ALG12: variants seen among roughly 807,000 people sequenced by gnomAD.
ALG12 encodes the protein dol-P-Man:Man(7)GlcNAc(2)-PP-Dol alpha-1,6-mannosyltransferase.
In ALG12, 36 loss-of-function variants were observed where a neutral mutation model predicts 46.0. That is an observed-to-expected ratio of 0.78 (90% CI 0.60 to 1.03). The LOEUF (loss-of-function observed/expected upper bound fraction) is 1.03, where lower values mean the gene tolerates loss of function less well. Ranked by LOEUF, ALG12 falls within the 50% of genes least tolerant of loss-of-function variation. The pLI, the probability that ALG12 is intolerant of heterozygous loss-of-function variation, is 0.00. For synonymous variants in ALG12, 326 were observed against 291.6 expected, an observed-to-expected ratio of 1.12 and a Z score of -1.20; for missense variants, 599 against 633.5, an observed-to-expected ratio of 0.95 and a Z score of 0.58.
chr22:49,912,072 C>G (rs1282569717), intron 3 of ALG12, among the ~76,000 whole-genome samples: 1 of 135,454 alleles, frequency 7.4e-6, no homozygotes, highest in African/African-American at 3.1e-5. Flanking sequence ...ATCAGCCTGG[C>G]CCCGGGATCA....
the ALG12 span, among the ~76,000 whole-genome samples, chr22:49,864,686 T>G: frequency 5.3e-5 from 8 of 151,990 alleles, no homozygotes; most frequent in African/African-American, 1.9e-4. Flanking sequence ...CCAGGTGTGG[T>G]GACACTCAGG....
In ALG12 at chr22:49,906,588, C is replaced by T. The variant is rs989710310; in HGVS notation, c.992+1133G>A. On this transcript the variant is annotated intron_variant, in intron 7 of 9. Coordinates refer to ENST00000330817, the MANE Select transcript of ALG12 (RefSeq NM_024105.4). The surrounding 1 kb of genome is among the most constrained non-coding windows in gnomAD (Gnocchi z 4.4). ...CCCTGTAACAAGTGGCACCGGAAAG[C>T]ACCTGACCGCTGCCTGAGATCAGGG... Among the ~76,000 whole-genome samples, 1 of 152,188 alleles carries T rather than the reference C, an allele frequency of 6.6e-6. No homozygotes were observed. The highest frequency in any genetic ancestry group is 2.1e-4 in the South Asian group (1 of 4,832).
At chr22:49,874,422 ATCTCC>A in the ALG12 span, among the ~76,000 whole-genome samples, 1 of 146,892 alleles carries the variant, frequency 6.8e-6, no homozygotes, top group Non-Finnish European at 1.5e-5. Flanking sequence ...GTCTTGCTCT[ATCTCC>A]CAGGCTGGAG....
At chr22:49,859,787 AG>A in the ALG12 span, among the ~76,000 whole-genome samples, 1 of 152,220 alleles carries the variant, frequency 6.6e-6, no homozygotes. Context: ...GCACTTTGGG[AG>A]GCTGAGGTGG....
At position 49,912,221 on chromosome 22, in the gene ALG12, G is replaced by GGC. The variant is rs2060582685; in HGVS notation, c.295+1163_295+1164insGC. ...GATTTTGGCCTGTGGCAGGGGCTGG[G>GGC]GGGGGCACTAGCAATTCCAGGTCAC... is the stretch of plus-strand genomic sequence containing the variant. On this transcript the variant is annotated intron_variant, in intron 3 of 9. Transcript: ENST00000330817. Among the ~76,000 whole-genome samples, 4 of 152,316 alleles carry GGC rather than the reference G, an allele frequency of 2.6e-5. No individual in the cohort carries two copies. In the South Asian group the frequency reaches 8.3e-4, roughly 32 times the overall value.
chr22:49,867,518 G>A, the ALG12 span, among the ~76,000 whole-genome samples: 1 of 152,194 alleles, frequency 6.6e-6, no homozygotes, highest in Non-Finnish European at 1.5e-5. Flanking sequence ...GGGAGTTTTT[G>A]CCCCAGAAAG....
the ALG12 span, among the ~76,000 whole-genome samples, chr22:49,880,535 A>G: frequency 6.6e-6 from 1 of 152,098 alleles, no homozygotes; most frequent in Non-Finnish European, 1.5e-5. Context: ...TTCTGTGATC[A>G]CTGTCCTGTG....
At chr22:49,890,184 G>C in the ALG12 span, 1 of 152,404 alleles carries the variant, frequency 6.6e-6, no homozygotes, top group Admixed American at 6.5e-5. Flanking sequence ...GTGCATGCCT[G>C]TAGTCCCAGC....
intron 2 of ALG12, 34 bp downstream of exon 2, chr22:49,913,570 G>C (rs1344903957): frequency 1.2e-6 from 2 of 1,613,720 alleles, no homozygotes; most frequent in Non-Finnish European, 1.7e-6. Flanking sequence ...CTGGTAACAT[G>C]AGGTTTTCCC....
the ALG12 span, among the ~76,000 whole-genome samples, chr22:49,867,134 G>A: frequency 6.6e-6 from 1 of 152,124 alleles, no homozygotes; most frequent in Non-Finnish European, 1.5e-5. Context: ...ACACTTTCCA[G>A]TTTACCTCAC....
At chr22:49,866,910 C>T in the ALG12 span, among the ~76,000 whole-genome samples, 1 of 152,276 alleles carries the variant, frequency 6.6e-6, no homozygotes, top group South Asian at 2.1e-4. Context: ...CACGTTCTTA[C>T]CTCTTGCGCC....
chr22:49,890,763 T>A, the ALG12 span, among the ~76,000 whole-genome samples: 1 of 152,140 alleles, frequency 6.6e-6, no homozygotes, highest in Admixed American at 6.5e-5. Context: ...ACGCCTGTAA[T>A]CCCAGCACTT....
At chr22:49,864,225 C>T in the ALG12 span, among the ~76,000 whole-genome samples, 2 of 152,198 alleles carry the variant, frequency 1.3e-5, no homozygotes, top group African/African-American at 4.8e-5. Flanking sequence ...TCCTCTTTTT[C>T]CACTGAGAGT....
chr22:49,897,902 G>C (rs890415138), downstream of ALG12, among the ~76,000 whole-genome samples: 2 of 151,868 alleles, frequency 1.3e-5, no homozygotes, highest in Non-Finnish European at 2.9e-5. Context: ...CTCGTGATCT[G>C]CCCGTCTTGG....
the ALG12 span, among the ~76,000 whole-genome samples, chr22:49,861,545 C>T: frequency 4.6e-5 from 7 of 151,108 alleles, no homozygotes; most frequent in African/African-American, 1.7e-4. Flanking sequence ...GTGATTTTCT[C>T]ACTGTACCCT....
the ALG12 span, chr22:49,887,191 C>T: frequency 6.3e-7 from 1 of 1,595,150 alleles, no homozygotes. Context: ...CTCACGACGG[C>T]ACCACTAGGC....
the ALG12 span, among the ~76,000 whole-genome samples, chr22:49,864,820 C>A: frequency 0.013 from 857 of 66,818 alleles, no homozygotes; most frequent in South Asian, 0.014. Flanking sequence ...ACCCTGTCTC[C>A]AAAAAAAAAA....
At position 49,902,502 on chromosome 22, in the gene ALG12, T is replaced by C. The variant is rs891207119; in HGVS notation, c.*1336A>G. ...CTGTGTGGTGTGTATGCATGGTGTG[T>C]GCACATGTGCACTGTGTATGCATGG... On this transcript the variant is annotated 3_prime_UTR_variant, in exon 10 of 10. Transcript: ENST00000330817. 1.4e-5 allele frequency: 2 copies of C among 142,036 alleles called. No homozygotes were observed. Among genetic ancestry groups the C allele is most frequent in the Non-Finnish European group, 3.0e-5 (2 of 66,416 alleles). The allele number at this position is 142,036 out of a possible 1,614,324, so 8.8% of individuals were successfully genotyped here. A position where few individuals can be genotyped will look rare whatever the true frequency, so the allele number is the denominator to read the frequency against.
At position 49,914,393 on chromosome 22, in the gene ALG12, T is replaced by G. The variant is rs570346001; in HGVS notation, c.-78-550A>C. 1.7e-3 allele frequency among the ~76,000 whole-genome samples: 262 copies of G among 152,350 alleles called. 1 individual carries two copies. Among genetic ancestry groups the G allele is most frequent in the Middle Eastern group, 3.4e-3 (1 of 294 alleles). On this transcript the variant is annotated intron_variant, in intron 1 of 9. Transcript: ENST00000330817. ...TCCCAGGAATGGTGGGATGGGGCTG[T>G]GGACGCCTGCGCCGAACCCCACCCT...
Sources: allele counts gnomAD v4.1 joint callset (sites outside exome capture counted in the v4.1 genomes callset), GRCh38; gene constraint gnomAD v4.1.1; non-coding constraint Gnocchi (gnomAD v3.1); transcripts MANE v1.5; gene names NCBI Gene and HGNC (gene_info 2026-07-23, HGNC 2026-07-21).